FAM76B: variants seen among roughly 807,000 people sequenced by gnomAD.
FAM76B encodes the protein protein FAM76B.
In FAM76B, 16 loss-of-function variants were observed where a neutral mutation model predicts 51.8. The observed-to-expected ratio is 0.31, with a 90% confidence interval of 0.21 to 0.47. The LOEUF is 0.47. Ranked by LOEUF, FAM76B falls within the 20% of genes least tolerant of loss-of-function variation. The pLI is 1.00. For missense variants in FAM76B, 342 were observed against 392.6 expected (o/e 0.87, Z 1.09); for synonymous variants, 166 against 129.5 (o/e 1.28, Z -1.91).
At chr11:95,785,829 G>C (rs1234937824) in intron 4 of FAM76B, among the ~76,000 whole-genome samples, 20 of 152,070 alleles carry the variant, frequency 1.3e-4, no homozygotes, top group Admixed American at 1.3e-3. Context: ...CTAGCAAAAG[G>C]GTAAAGTAAA....
intron 2 of FAM76B, among the ~76,000 whole-genome samples, chr11:95,787,938 C>T (rs1430504126): frequency 3.3e-5 from 5 of 152,200 alleles, no homozygotes; most frequent in Admixed American, 6.5e-5. Context: ...AAAATCTTCA[C>T]ACTTGACACT....
chr11:95,780,707 G>A (rs1470293944), intron 5 of FAM76B, among the ~76,000 whole-genome samples: 5 of 151,850 alleles, frequency 3.3e-5, no homozygotes, highest in South Asian at 2.1e-4. Context: ...GTATTTATAC[G>A]ATTTAGAAGA....
intron 9 of FAM76B, among the ~76,000 whole-genome samples, chr11:95,775,002 T>TG (rs938022171): frequency 1.1e-4 from 15 of 139,688 alleles, no homozygotes; most frequent in Non-Finnish European, 1.4e-4. Flanking sequence ...TGTTACAATG[T>TG]GAAAAAAAAA....
At chr11:95,783,385 T>G in intron 4 of FAM76B, 121 bp from the exon 5 acceptor site, 2 of 718,432 alleles carry the variant, frequency 2.8e-6, no homozygotes, top group Non-Finnish European at 4.5e-6. Context: ...AATGCATGTA[T>G]GCACATATTC....
intron 8 of FAM76B, 105 bp from the exon 9 acceptor site, chr11:95,776,128 A>T: frequency 1.8e-6 from 1 of 560,478 alleles, no homozygotes; most frequent in Non-Finnish European, 2.8e-6. Context: ...CAAAAGTAGA[A>T]GATGTTAACT....
chr11:95,788,262 C>T (rs1860714156), intron 2 of FAM76B, among the ~76,000 whole-genome samples: 1 of 152,182 alleles, frequency 6.6e-6, no homozygotes, highest in Non-Finnish European at 1.5e-5. Context: ...CAAGGCTGTA[C>T]ATTTTCCATG....
intron 1 of FAM76B, chr11:95,789,038 A>G (rs1040408777): frequency 1.4e-5 from 20 of 1,384,628 alleles, no homozygotes; most frequent in African/African-American, 1.3e-4. Context: ...TGGTGGAAGA[A>G]GAGGACAGAC....
intron 4 of FAM76B, among the ~76,000 whole-genome samples, chr11:95,784,422 T>C (rs1226039982): frequency 1.3e-5 from 2 of 152,020 alleles, no homozygotes; most frequent in African/African-American, 2.4e-5. Context: ...CGTGCACATG[T>C]ACCCCTGAAC....
rs1722053615 is a variant in FAM76B at position 95,786,138 on chromosome 11, T to C, written c.344A>G (p.Lys115Arg). ...QCKQQCAFDR[K>R]EEGRRKVDGK... ...GCATACCTTTCTTCTTCCTTCCTCCTTCCGATCAAAAGCACATTGCTGTTT... is the reference window on the plus strand; with the variant it reads ...GCATACCTTTCTTCTTCCTTCCTCCCTCCGATCAAAAGCACATTGCTGTTT... The change falls in exon 4 of 10, where the codon AAG becomes AGG. Residue 115 changes from lysine (K) to arginine (R), a missense_variant. Lys to Arg is a conservative substitution (Grantham distance 26). This residue lies in a region of FAM76B where 230 missense variants were observed against 257.4 expected (regional missense o/e 0.89). Coordinates refer to ENST00000358780, the MANE Select transcript of FAM76B (RefSeq NM_144664.5). The C allele has an allele frequency of 1.2e-6, 2 of 1,610,822 alleles. No individual in the cohort carries two copies. The highest frequency in any genetic ancestry group is 1.7e-6 in the Non-Finnish European group (2 of 1,178,396).
At chr11:95,784,521 T>C (rs1351719489) in intron 4 of FAM76B, among the ~76,000 whole-genome samples, 3 of 151,888 alleles carry the variant, frequency 2.0e-5, no homozygotes, top group African/African-American at 7.3e-5. Context: ...CTCTTAGCAC[T>C]GTTGGCCATG....
chr11:95,784,752 T>G (rs1860467601), intron 4 of FAM76B, among the ~76,000 whole-genome samples: 1 of 152,044 alleles, frequency 6.6e-6, no homozygotes, highest in South Asian at 2.1e-4. Context: ...CATGCCCAGC[T>G]AATTTTTTGT....
rs760287416 is a variant in FAM76B at position 95,779,880 on chromosome 11, T to G, written c.610A>C (p.Ser204Arg). 5.0e-6 allele frequency: 8 copies of G among 1,604,118 alleles called. No individual in the cohort carries two copies. Among genetic ancestry groups the G allele is most frequent in the Non-Finnish European group, 6.8e-6 (8 of 1,176,148 alleles). The change falls in exon 6 of 10, where the codon AGC becomes CGC. Residue 204 changes from serine to arginine, a missense_variant and splice_region_variant. Ser to Arg is a moderately radical substitution (Grantham distance 110). This residue lies in a region of FAM76B where 230 missense variants were observed against 257.4 expected (regional missense o/e 0.89). Transcript: ENST00000358780. ...CAGAAAATACAGCAATGTATTTACC[T>G]CTGTTTCCACAGTCCCTGCTCTTCT... ...PEEEQGLWKQ[S>R]HKSSATIQNE...
At chr11:95,789,014 C>A (rs1860792155) in intron 1 of FAM76B, 1 of 1,362,864 alleles carries the variant, frequency 7.3e-7, no homozygotes. Flanking sequence ...GTGCAAAAAC[C>A]GTCCCCTGCC....
Position 95,782,986 on chromosome 11 carries a change from A to G in FAM76B, c.563+79T>C, listed in dbSNP as rs989810774. 3 of 1,553,894 alleles carry G rather than the reference A, an allele frequency of 1.9e-6. No individual in the cohort carries two copies. In the African/African-American group the frequency reaches 4.1e-5, roughly 21 times the overall value. On this transcript the variant is annotated intron_variant, in intron 5 of 9. Coordinates refer to ENST00000358780, the MANE Select transcript of FAM76B (RefSeq NM_144664.5). ...GAAACTAGACTAGCACATAGTCAAT[A>G]TTTGCAAGAAGTAAACATCAATAAA...
chr11:95,786,756 A>G (rs1860609839), intron 3 of FAM76B: 1 of 152,536 alleles, frequency 6.6e-6, no homozygotes, highest in Non-Finnish European at 1.5e-5. Flanking sequence ...AAAAATGAGA[A>G]CAAGCATATT....
Position 95,789,573 on chromosome 11 carries a change from C to G in FAM76B, c.-95G>C. 4 of 1,083,358 alleles carry G rather than the reference C, an allele frequency of 3.7e-6. No individual in the cohort carries two copies. The highest frequency in any genetic ancestry group is 5.3e-6 in the Non-Finnish European group (4 of 759,728). The allele number at this position is 1,083,358 out of a possible 1,614,324, so 67.1% of individuals were successfully genotyped here. ...GCCGCCGCCCGGGCCGCGGGCTCCT[C>G]CTCCTCCCCCTCCCCCTGCCTCGCG... On this transcript the variant is annotated 5_prime_UTR_variant, in exon 1 of 10. Transcript: ENST00000358780.
rs1006404729 is a variant in FAM76B, at chr11:95,770,303, C to T, written c.*1258G>A. The T allele has an allele frequency of 3.3e-5, 5 of 151,784 alleles. No individual in the cohort carries two copies. Among genetic ancestry groups the T allele is most frequent in the Non-Finnish European group, 7.4e-5 (5 of 67,496 alleles). 9.4% of individuals were successfully genotyped at this position (151,784 alleles called of 1,614,324 possible). A position where few individuals can be genotyped will look rare whatever the true frequency, so the allele number is the denominator to read the frequency against. ...ATTTTAAAGACTTTAGGACAATTTA[C>T]TTATAATGCCTGAATCTTATAGTAG... is the stretch of plus-strand genomic sequence containing the variant. On this transcript the variant is annotated 3_prime_UTR_variant, in exon 10 of 10. Coordinates refer to ENST00000358780, the MANE Select transcript of FAM76B (RefSeq NM_144664.5).
At chr11:95,783,290 A>G in intron 4 of FAM76B, 26 bp from the exon 5 acceptor site, 1 of 1,603,706 alleles carries the variant, frequency 6.2e-7, no homozygotes, top group Non-Finnish European at 8.5e-7. Flanking sequence ...GTTAAATTAA[A>G]TGTACCCATA....
At chr11:95,774,856 T>C (rs1254990) in intron 9 of FAM76B, among the ~76,000 whole-genome samples, 34,765 of 151,118 alleles carry the variant, frequency 0.23, 8,543 homozygotes, top group African/African-American at 0.62. Context: ...GTCTTTGTAA[T>C]AGTATGATAG....
Sources: gnomAD v4.1 joint callset for allele counts (sites outside exome capture counted in the v4.1 genomes callset) on GRCh38, gnomAD v4.1.1 for gene constraint, gnomAD v4.1.1 regional missense constraint, MANE v1.5 for transcripts, NCBI Gene and HGNC (gene_info 2026-07-23, HGNC 2026-07-21) for gene names.